IGSF3: variants seen among roughly 807,000 people sequenced by gnomAD.
IGSF3 encodes the protein glu-Trp-Ile EWI motif-containing protein 3.
In IGSF3, 23 loss-of-function variants were observed where a neutral mutation model predicts 114.4. That is an observed-to-expected ratio of 0.20 (90% CI 0.14 to 0.28). The LOEUF (loss-of-function observed/expected upper bound fraction) is 0.28, where lower values mean the gene tolerates loss of function less well. Among genes scored for constraint, IGSF3 ranks in the 10% least tolerant of loss-of-function variants. IGSF3 has a pLI of 1.00. For missense variants in IGSF3, 1,172 were observed against 1,591.5 expected (o/e 0.74, Z 4.48); for synonymous variants, 571 against 645.2 (o/e 0.88, Z 1.74).
rs1661142372 is a variant in IGSF3, at chr1:116,614,460, C to T, written c.422-285G>A. Reference sequence around the variant, plus strand: ...TTCATATTACATAATAAATAAACTCCCTGAAAATACTGTCTTTAAACAATT... The same window carrying T: ...TTCATATTACATAATAAATAAACTCTCTGAAAATACTGTCTTTAAACAATT... On this transcript the variant is annotated intron_variant, in intron 3 of 10. Transcript: ENST00000369486. This position sits in a 1 kb window ranked among gnomAD's most constrained non-coding sequence, Gnocchi z 4.5. 6.6e-6 allele frequency among the ~76,000 whole-genome samples: 1 copy of T among 152,064 alleles called. No individual in the cohort carries two copies. The highest frequency in any genetic ancestry group is 2.4e-5 in the African/African-American group (1 of 41,372).
rs1649102386 is a variant in IGSF3 at position 116,661,260 on chromosome 1, T to TC, written c.43+5023dup. 6.6e-6 allele frequency among the ~76,000 whole-genome samples: 1 copy of TC among 152,136 alleles called. No individual in the cohort carries two copies. The highest frequency in any genetic ancestry group is 2.1e-4 in the South Asian group (1 of 4,816). Reference sequence around the variant, plus strand: ...GTGAGCCAAGATCGTGCCACTGCACTCCAGCCTGAGCAACAGTGTGAGACT... The same window carrying TC: ...GTGAGCCAAGATCGTGCCACTGCACTCCCAGCCTGAGCAACAGTGTGAGACT... On this transcript the variant is annotated intron_variant, in intron 2 of 10. Coordinates refer to ENST00000369486, the MANE Select transcript of IGSF3 (RefSeq NM_001007237.3). This position sits in a 1 kb window ranked among gnomAD's most constrained non-coding sequence, Gnocchi z 4.0.
At chr1:116,601,216 A>T (rs930827722) in intron 6 of IGSF3, among the ~76,000 whole-genome samples, 6 of 152,204 alleles carry the variant, frequency 3.9e-5, no homozygotes, top group African/African-American at 1.4e-4. Flanking sequence ...AGATGTAGAA[A>T]CTGATGCAGA....
chr1:116,635,436 T>C (rs1261522191), intron 2 of IGSF3, among the ~76,000 whole-genome samples: 1 of 152,210 alleles, frequency 6.6e-6, no homozygotes, highest in Non-Finnish European at 1.5e-5. Flanking sequence ...TAGATTCTGC[T>C]CATTCATAAT....
At chr1:116,643,240 T>C (rs1166229334) in intron 2 of IGSF3, among the ~76,000 whole-genome samples, 1 of 152,176 alleles carries the variant, frequency 6.6e-6, no homozygotes, top group Non-Finnish European at 1.5e-5. Context: ...ATAAAGTGAC[T>C]TAAAGAACCC....
Position 116,664,054 on chromosome 1 carries a change from C to T in IGSF3, c.43+2230G>A, listed in dbSNP as rs774214329. ...TTGCTCCCTCCCCAAACGCCTTCTA[C>T]CTCTCCCAGATTAGTAAAGTAGTAG... On this transcript the variant is annotated intron_variant, in intron 2 of 10. Transcript: ENST00000369486. This position sits in a 1 kb window ranked among gnomAD's most constrained non-coding sequence, Gnocchi z 4.6. Among the ~76,000 whole-genome samples, 5 of 152,200 alleles carry T rather than the reference C, an allele frequency of 3.3e-5. No homozygotes were observed. Among genetic ancestry groups the T allele is most frequent in the Non-Finnish European group, 7.3e-5 (5 of 68,032 alleles).
rs1017611076 is a variant in IGSF3, at chr1:116,634,969, G to A, written c.44-18512C>T. Among the ~76,000 whole-genome samples, 9 of 152,156 alleles carry A rather than the reference G, an allele frequency of 5.9e-5. No individual in the cohort carries two copies. The highest frequency in any genetic ancestry group is 1.3e-4 in the Non-Finnish European group (9 of 68,032). On this transcript the variant is annotated intron_variant, in intron 2 of 10. Coordinates refer to ENST00000369486, the MANE Select transcript of IGSF3 (RefSeq NM_001007237.3). This position sits in a 1 kb window ranked among gnomAD's most constrained non-coding sequence, Gnocchi z 4.2. ...GATGCCAGTCTCCACTGCTCCAGTT[G>A]TCTAGTGTCCCAGCCCCAACCACCA...
chr1:116,616,051 C>T lies in IGSF3; in HGVS notation c.421+29G>A. ...CTAAAGAACTGAGTCAGGCCAGACGCTGGCAACGTGAAGACAGCTTCTCCT... is the reference window on the plus strand; with the variant it reads ...CTAAAGAACTGAGTCAGGCCAGACGTTGGCAACGTGAAGACAGCTTCTCCT... On this transcript the variant is annotated intron_variant, in intron 3 of 10. Coordinates refer to ENST00000369486, the MANE Select transcript of IGSF3 (RefSeq NM_001007237.3). This position sits in a 1 kb window ranked among gnomAD's most constrained non-coding sequence, Gnocchi z 6.6. The T allele has an allele frequency of 6.4e-7, 1 of 1,572,598 alleles. No individual in the cohort carries two copies. The highest frequency in any genetic ancestry group is 8.7e-7 in the Non-Finnish European group (1 of 1,149,380).
rs115715850 is a variant in IGSF3 at position 116,577,111 on chromosome 1, C to T, written c.*201G>A. 599 of 582,364 alleles carry T rather than the reference C, an allele frequency of 1.0e-3. 4 individuals are homozygous for T. Among genetic ancestry groups the T allele is most frequent in the African/African-American group, 9.9e-3 (533 of 53,602 alleles). The allele number at this position is 582,364 out of a possible 1,614,324, so 36.1% of individuals were successfully genotyped here. A position where few individuals can be genotyped will look rare whatever the true frequency, so the allele number is the denominator to read the frequency against. On this transcript the variant is annotated 3_prime_UTR_variant, in exon 11 of 11. Transcript: ENST00000369486. This position sits in a 1 kb window ranked among gnomAD's most constrained non-coding sequence, Gnocchi z 5.7. ...TATAATGGCAGGATCACAACATTTG[C>T]GCGCAAATAGCTAACCAACCAAGAC... is the stretch of plus-strand genomic sequence containing the variant.
Position 116,574,966 on chromosome 1 carries a change from T to C in IGSF3, c.*2346A>G, listed in dbSNP as rs1659277932. The C allele has an allele frequency of 6.6e-6, 1 of 152,656 alleles. No individual in the cohort carries two copies. Among genetic ancestry groups the C allele is most frequent in the Non-Finnish European group, 1.5e-5 (1 of 68,044 alleles). The allele number at this position is 152,656 out of a possible 1,614,324, so 9.5% of individuals were successfully genotyped here. A position where few individuals can be genotyped will look rare whatever the true frequency, so the allele number is the denominator to read the frequency against. ...AATTATTAAAATACTGGCTTCGGTT[T>C]CTTTTTTTCCTTTCAAATTTCCTAC... On this transcript the variant is annotated 3_prime_UTR_variant, in exon 11 of 11. Transcript: ENST00000369486. The surrounding 1 kb of genome is among the most constrained non-coding windows in gnomAD (Gnocchi z 5.2).
Position 116,598,434 on chromosome 1 carries a change from C to T in IGSF3, c.2029+1507G>A, listed in dbSNP as rs527250121. Among the ~76,000 whole-genome samples the T allele has an allele frequency of 8.5e-5, 13 of 152,324 alleles. No individual in the cohort carries two copies. The highest frequency in any genetic ancestry group is 2.2e-4 in the African/African-American group (9 of 41,570). Reference sequence around the variant, plus strand: ...CCTCTTCCCTGAGCCTCTTGTCAGTCGAAGTTTAGGCTGTCATTGGCCAAG... The same window carrying T: ...CCTCTTCCCTGAGCCTCTTGTCAGTTGAAGTTTAGGCTGTCATTGGCCAAG... On this transcript the variant is annotated intron_variant, in intron 7 of 10. Transcript: ENST00000369486. This position sits in a 1 kb window ranked among gnomAD's most constrained non-coding sequence, Gnocchi z 4.3.
rs1175318438 is a variant in IGSF3 at position 116,577,421 on chromosome 1, T to A, written c.3476A>T (p.Asp1159Val). 1.9e-6 allele frequency: 3 copies of A among 1,614,068 alleles called. No individual in the cohort carries two copies. The highest frequency in any genetic ancestry group is 2.7e-5 in the African/African-American group (2 of 74,924). ...CAGCAGAGGCACCCCATTCTTCCCA[T>A]CAGAGTTCTTGCTGGAGTTCCGGCT... The part of the protein sequence containing the change: ...FKSRNSSKNS[D>V]GKNGVPLLWI... Residue 1159 changes from aspartate to valine, a missense_variant, in exon 11 of 11, where the codon GAT (aspartate) becomes GTT (valine). Asp to Val is a radical substitution (Grantham distance 152). This residue lies in a region of IGSF3 where 423 missense variants were observed against 509.8 expected (regional missense o/e 0.83). Coordinates refer to ENST00000369486, the MANE Select transcript of IGSF3 (RefSeq NM_001007237.3). The surrounding 1 kb of genome is among the most constrained non-coding windows in gnomAD (Gnocchi z 5.7).
At chr1:116,586,511 C>T (rs763326537) in intron 8 of IGSF3, among the ~76,000 whole-genome samples, 5 of 152,006 alleles carry the variant, frequency 3.3e-5, no homozygotes, top group Non-Finnish European at 5.9e-5. Context: ...AAGAAAGAAA[C>T]GAGGAAAGCT....
At position 116,579,669 on chromosome 1, in the gene IGSF3, C is replaced by G. The variant is rs569343519; in HGVS notation, c.3057G>C (p.Glu1019Asp). 297 of 1,527,598 alleles carry G rather than the reference C, an allele frequency of 1.9e-4. No individual in the cohort carries two copies. The highest frequency in any genetic ancestry group is 1.0e-3 in the Admixed American group (59 of 58,162). 94.6% of individuals were successfully genotyped at this position (1,527,598 alleles called of 1,614,324 possible). ...QEEEREEEEE[E>D]DDDDDDDPTE... is the part of the protein sequence containing the mutation. ...TTGGGTCGTCGTCGTCGTCGTCGTC[C>G]TCCTCCTCCTCCTCCTCCCTTTCCT... The change falls in exon 10 of 11, where the codon GAG becomes GAC. Residue 1019 changes from glutamate to aspartate, a missense_variant. Glu to Asp is a conservative substitution (Grantham distance 45). This residue lies in a region of IGSF3 where 423 missense variants were observed against 509.8 expected (regional missense o/e 0.83). Transcript: ENST00000369486. This position sits in a 1 kb window ranked among gnomAD's most constrained non-coding sequence, Gnocchi z 6.4.
At position 116,618,345 on chromosome 1, in the gene IGSF3, A is replaced by G. The variant is rs1452294030; in HGVS notation, c.44-1888T>C. On this transcript the variant is annotated intron_variant, in intron 2 of 10. Transcript: ENST00000369486. This position sits in a 1 kb window ranked among gnomAD's most constrained non-coding sequence, Gnocchi z 4.7. The stretch of plus-strand genomic sequence containing the variant: ...TAACCATGAGGACAACTCATTAGTA[A>G]TATCAGTATGTTAAAATATGATGCA... 1.3e-5 allele frequency among the ~76,000 whole-genome samples: 2 copies of G among 152,278 alleles called. No homozygotes were observed. The highest frequency in any genetic ancestry group is 6.5e-5 in the Admixed American group (1 of 15,284).
chr1:116,613,677 C>A, intron 4 of IGSF3, 88 bp downstream of exon 4: 3 of 1,263,308 alleles, frequency 2.4e-6, no homozygotes, highest in Admixed American at 1.9e-5. Flanking sequence ...GGTAGAGGTG[C>A]CCAAAGAAGG....
chr1:116,634,860 T>C lies in IGSF3; in HGVS notation c.44-18403A>G, dbSNP rs1314525198. Among the ~76,000 whole-genome samples, 1 of 152,000 alleles carries C rather than the reference T, an allele frequency of 6.6e-6. No individual in the cohort carries two copies. Among genetic ancestry groups the C allele is most frequent in the African/African-American group, 2.4e-5 (1 of 41,378 alleles). ...CACACATTTGGAGCCTGAGTTGCGG[T>C]GTAAGCCATCTGCCTGCTCCGAGCC... On this transcript the variant is annotated intron_variant, in intron 2 of 10. Transcript: ENST00000369486. This position sits in a 1 kb window ranked among gnomAD's most constrained non-coding sequence, Gnocchi z 4.2.
In IGSF3 at chr1:116,636,103, G is replaced by A. The variant is rs925718773; in HGVS notation, c.44-19646C>T. 3.2e-4 allele frequency among the ~76,000 whole-genome samples: 48 copies of A among 152,172 alleles called. No homozygotes were observed. Among genetic ancestry groups the A allele is most frequent in the Middle Eastern group, 6.8e-3 (2 of 294 alleles). ...CCTCACAGGTGCCAGCCATCACCCC[G>A]ACCACACCCTCTCAAAAGGCCTTTG... On this transcript the variant is annotated intron_variant, in intron 2 of 10. Coordinates refer to ENST00000369486, the MANE Select transcript of IGSF3 (RefSeq NM_001007237.3). The surrounding 1 kb of genome is among the most constrained non-coding windows in gnomAD (Gnocchi z 4.5).
rs182733746 is a variant in IGSF3, at chr1:116,588,542, G to A, written c.2440+152C>T. On this transcript the variant is annotated intron_variant, in intron 8 of 10. Transcript: ENST00000369486. The surrounding 1 kb of genome is among the most constrained non-coding windows in gnomAD (Gnocchi z 4.9). Reference sequence around the variant, plus strand: ...CAGGTAAAATGGATGGGATTGCAGTGTGCTAGGGTGATGGTCCGTGTACCT... The same window carrying A: ...CAGGTAAAATGGATGGGATTGCAGTATGCTAGGGTGATGGTCCGTGTACCT... 2,400 of 703,616 alleles carry A rather than the reference G, an allele frequency of 3.4e-3. 25 individuals are homozygous for A. The highest frequency in any genetic ancestry group is 2.7e-3 in the Non-Finnish European group (1,130 of 421,028). The allele number at this position is 703,616 out of a possible 1,614,324, so 43.6% of individuals were successfully genotyped here.
rs1571178783 is a variant in IGSF3 at position 116,636,089 on chromosome 1, C to A, written c.44-19632G>T. On this transcript the variant is annotated intron_variant, in intron 2 of 10. Transcript: ENST00000369486. This position sits in a 1 kb window ranked among gnomAD's most constrained non-coding sequence, Gnocchi z 4.5. The stretch of plus-strand genomic sequence containing the variant: ...AGAACAACTGTCTTCCTCACAGGTG[C>A]CAGCCATCACCCCGACCACACCCTC... Among the ~76,000 whole-genome samples, 1 of 152,224 alleles carries A rather than the reference C, an allele frequency of 6.6e-6. No homozygotes were observed. The highest frequency in any genetic ancestry group is 2.4e-5 in the African/African-American group (1 of 41,466).
Sources: gnomAD v4.1 joint callset for allele counts (sites outside exome capture counted in the v4.1 genomes callset) on GRCh38, gnomAD v4.1.1 for gene constraint, gnomAD v4.1.1 regional missense constraint, Gnocchi (gnomAD v3.1) non-coding constraint, MANE v1.5 for transcripts, NCBI Gene and HGNC (gene_info 2026-07-23, HGNC 2026-07-21) for gene names.